CPAP: variants seen among roughly 807,000 people sequenced by gnomAD.
CPAP encodes centrosome assembly and centriole elongation protein, also known as centrosomal P4.1-associated protein.
the CPAP span, among the ~76,000 whole-genome samples, chr13:24,892,432 G>A: frequency 6.6e-6 from 1 of 152,154 alleles, no homozygotes; most frequent in Non-Finnish European, 1.5e-5. Flanking sequence ...TGGCATTAAG[G>A]ATATCTGCGG....
chr13:24,892,995 A>G, the CPAP span: 16 of 743,292 alleles, frequency 2.2e-5, no homozygotes, highest in South Asian at 1.1e-4. Context: ...TCAACAGACG[A>G]CATTTAAGAC....
the CPAP span, among the ~76,000 whole-genome samples, chr13:24,893,832 T>C: frequency 6.6e-6 from 1 of 152,240 alleles, no homozygotes; most frequent in African/African-American, 2.4e-5. Flanking sequence ...AAAATATCTG[T>C]TATCAGGCAC....
the CPAP span, among the ~76,000 whole-genome samples, chr13:24,923,097 ACGTCGCCCCAGGCTCC>A: frequency 6.6e-6 from 1 of 152,212 alleles, no homozygotes. Flanking sequence ...TCCGTGGTGG[ACGTCGCCCCAGGCTCC>A]CACACTTAGA....
At chr13:24,889,529 T>C in the CPAP span, 12 of 698,768 alleles carry the variant, frequency 1.7e-5, no homozygotes, top group African/African-American at 2.0e-4. Flanking sequence ...TTTTCATTTA[T>C]ACAACAGGCC....
At chr13:24,884,030 T>C in the CPAP span, 1 of 1,614,094 alleles carries the variant, frequency 6.2e-7, no homozygotes, top group Admixed American at 1.7e-5. Context: ...AATAAGTTTT[T>C]AACAGTCTGG....
the CPAP span, among the ~76,000 whole-genome samples, chr13:24,908,723 C>G: frequency 1.3e-5 from 2 of 152,150 alleles, no homozygotes; most frequent in Middle Eastern, 3.4e-3. Flanking sequence ...AATACATGAA[C>G]TTGACTGGAT....
At chr13:24,887,116 A>AAGAT in the CPAP span, among the ~76,000 whole-genome samples, 2 of 152,172 alleles carry the variant, frequency 1.3e-5, no homozygotes, top group East Asian at 1.9e-4. Flanking sequence ...TTATGACCCC[A>AAGAT]AGATAGGGAA....
chr13:24,916,322 A>T, the CPAP span, among the ~76,000 whole-genome samples: 1 of 152,186 alleles, frequency 6.6e-6, no homozygotes, highest in African/African-American at 2.4e-5. Flanking sequence ...TATATATATA[A>T]TCAAAGGAAA....
chr13:24,927,517 G>A, the CPAP span, among the ~76,000 whole-genome samples: 31 of 152,206 alleles, frequency 2.0e-4, 1 homozygote, highest in African/African-American at 2.9e-4. Flanking sequence ...CCTTCCCCCC[G>A]CAGTGATTCC....
chr13:24,928,709 C>T, the CPAP span, among the ~76,000 whole-genome samples: 5 of 152,190 alleles, frequency 3.3e-5, no homozygotes, highest in African/African-American at 7.2e-5. Flanking sequence ...GGATTACATG[C>T]GTGAGCCACC....
chr13:24,926,769 G>C, the CPAP span, among the ~76,000 whole-genome samples: 2 of 152,318 alleles, frequency 1.3e-5, no homozygotes, highest in East Asian at 3.9e-4. Context: ...TGTGATGCAA[G>C]ATCAACACGG....
the CPAP span, among the ~76,000 whole-genome samples, chr13:24,924,434 C>G: frequency 6.6e-6 from 1 of 152,194 alleles, no homozygotes; most frequent in Non-Finnish European, 1.5e-5. Flanking sequence ...TTTTACCACA[C>G]TCAAGTCTTA....
chr13:24,932,906 G>T, the CPAP span: 1 of 742,894 alleles, frequency 1.3e-6, no homozygotes, highest in East Asian at 2.5e-5. Context: ...TGTTTCTTAA[G>T]GTAATGCCTA....
At chr13:24,905,361 G>C in the CPAP span, 1 of 1,613,926 alleles carries the variant, frequency 6.2e-7, no homozygotes, top group Non-Finnish European at 8.5e-7. Context: ...GGTTGGTCTT[G>C]ACTTATGTTT....
chr13:24,909,545 C>T, the CPAP span, among the ~76,000 whole-genome samples: 1 of 150,424 alleles, frequency 6.6e-6, no homozygotes, highest in Non-Finnish European at 1.5e-5. Context: ...AAACACGCCA[C>T]AGGGGACAAA....
At chr13:24,919,753 T>C in the CPAP span, among the ~76,000 whole-genome samples, 1 of 150,960 alleles carries the variant, frequency 6.6e-6, no homozygotes, top group Non-Finnish European at 1.5e-5. Context: ...TAGCTAGATA[T>C]GAAAACATTA....
chr13:24,891,473 C>A, the CPAP span, among the ~76,000 whole-genome samples: 3 of 152,158 alleles, frequency 2.0e-5, no homozygotes, highest in Non-Finnish European at 4.4e-5. Flanking sequence ...TCCCTTCTTG[C>A]GGTTGCTCCT....
chr13:24,906,081 C>T, the CPAP span: 1 of 1,613,158 alleles, frequency 6.2e-7, no homozygotes, highest in Non-Finnish European at 8.5e-7. Flanking sequence ...TTGGGTGCGA[C>T]TTCACACTCA....
the CPAP span, chr13:24,905,257 A>T: frequency 7.9e-7 from 1 of 1,264,360 alleles, no homozygotes; most frequent in African/African-American, 1.5e-5. Flanking sequence ...AGCAATAAGG[A>T]AAGTTAGGAT....
Sources: allele counts gnomAD v4.1 joint callset (sites outside exome capture counted in the v4.1 genomes callset), GRCh38; gene constraint gnomAD v4.1.1; transcripts MANE v1.5; gene names NCBI Gene and HGNC (gene_info 2026-07-23, HGNC 2026-07-21).